TRAM1: variants seen among roughly 807,000 people sequenced by gnomAD.
TRAM1 encodes translocating chain-associated membrane protein 1.
TRAM1 carries 17 observed loss-of-function variants against 48.7 expected under a neutral mutation model. The observed-to-expected ratio is 0.35, with a 90% CI of 0.24 to 0.52. The LOEUF (loss-of-function observed/expected upper bound fraction) is 0.52. Ranked by LOEUF, TRAM1 falls within the 20% of genes least tolerant of loss-of-function variation. The pLI is 0.94. For synonymous variants in TRAM1, 182 were observed against 154.0 expected (o/e 1.18, Z -1.34); for missense variants, 351 against 441.5 (o/e 0.79, Z 1.84).
intron 8 of TRAM1, among the ~76,000 whole-genome samples, chr8:70,585,154 A>G (rs1325169904): frequency 2.0e-5 from 3 of 152,226 alleles, no homozygotes; most frequent in Non-Finnish European, 4.4e-5. Flanking sequence ...ATCTTTGACA[A>G]ACCTGACAAA....
Position 70,608,292 on chromosome 8 carries a change from C to T in TRAM1, c.-93G>A. On this transcript the variant is annotated 5_prime_UTR_variant, in exon 1 of 11. Transcript: ENST00000262213. Reference sequence around the variant, plus strand: ...TCGCCGCCGCCTCCCGCTGGCTGCTCCTCACGGCCCCGCTGCAGCCGCTCG... The same window carrying T: ...TCGCCGCCGCCTCCCGCTGGCTGCTTCTCACGGCCCCGCTGCAGCCGCTCG... The T allele has an allele frequency of 3.4e-6, 5 of 1,455,928 alleles. No homozygotes were observed. The highest frequency in any genetic ancestry group is 3.6e-6 in the Non-Finnish European group (4 of 1,104,600). The allele number at this position is 1,455,928 out of a possible 1,614,324, so 90.2% of individuals were successfully genotyped here. A position where few individuals can be genotyped will look rare whatever the true frequency, so the allele number is the denominator to read the frequency against.
chr8:70,605,186 AAAG>A (rs1817693662), intron 1 of TRAM1, among the ~76,000 whole-genome samples: 1 of 152,202 alleles, frequency 6.6e-6, no homozygotes, highest in African/African-American at 2.4e-5. Context: ...GTGAGTTTTT[AAAG>A]AATAATAATA....
At chr8:70,577,939 G>A (rs1816994014) in intron 10 of TRAM1, among the ~76,000 whole-genome samples, 1 of 152,240 alleles carries the variant, frequency 6.6e-6, no homozygotes, top group East Asian at 1.9e-4. Flanking sequence ...GGTGCCTAGA[G>A]CTGCCTGCCC....
intron 5 of TRAM1, among the ~76,000 whole-genome samples, chr8:70,595,354 A>G (rs1817465026): frequency 6.6e-6 from 1 of 152,148 alleles, no homozygotes; most frequent in African/African-American, 2.4e-5. Flanking sequence ...TAATATTTAC[A>G]AAGTTCGTTG....
At chr8:70,602,179 C>G (rs986067681) in intron 1 of TRAM1, among the ~76,000 whole-genome samples, 1 of 152,134 alleles carries the variant, frequency 6.6e-6, no homozygotes, top group South Asian at 2.1e-4. Context: ...GGAAAGAGAA[C>G]GATAGACTGG....
intron 6 of TRAM1, among the ~76,000 whole-genome samples, chr8:70,593,258 A>G (rs1024240805): frequency 7.2e-5 from 11 of 152,174 alleles, no homozygotes; most frequent in Admixed American, 2.0e-4. Context: ...GACACGAAAC[A>G]GTAGGAAATC....
chr8:70,583,598 A>T, intron 9 of TRAM1, 52 bp downstream of exon 9: 1 of 1,571,062 alleles, frequency 6.4e-7, no homozygotes, highest in South Asian at 1.2e-5. Context: ...AGAAACTGAT[A>T]ATATATATTA....
Position 70,574,999 on chromosome 8 carries a change from C to T in TRAM1, c.1058G>A (p.Gly353Asp). 1.2e-6 allele frequency: 2 copies of T among 1,604,714 alleles called. No homozygotes were observed. Among genetic ancestry groups the T allele is most frequent in the Non-Finnish European group, 1.7e-6 (2 of 1,176,502 alleles). ...GRSSKKGTENGVNGTLTSNVA... is the reference protein window; with the variant it reads ...GRSSKKGTENDVNGTLTSNVA... ...ATTTGAAGTTAATGTTCCATTCACA[C>T]CATTTTCTGCAAAAAGAAAAGAATC... Residue 353 changes from glycine (G) to aspartate (D), a missense_variant, in exon 11 of 11, where the codon GGT becomes GAT. Physicochemically the swap from Gly to Asp is moderately conservative, Grantham distance 94 (BLOSUM62 -1). Transcript: ENST00000262213.
intron 10 of TRAM1, among the ~76,000 whole-genome samples, chr8:70,580,028 TA>T (rs1297918116): frequency 1.3e-5 from 2 of 152,082 alleles, no homozygotes; most frequent in African/African-American, 4.8e-5. Context: ...TACATTAGCT[TA>T]AAAAAGAAAA....
At position 70,591,249 on chromosome 8, in the gene TRAM1, G is replaced by A. The variant is rs1297486081; in HGVS notation, c.570+3257C>T. 7.9e-5 allele frequency among the ~76,000 whole-genome samples: 12 copies of A among 152,280 alleles called. No homozygotes were observed. In the South Asian group the frequency reaches 2.1e-3, roughly 26 times the overall value. On this transcript the variant is annotated intron_variant, in intron 6 of 10. Transcript: ENST00000262213. ...AGCCTCCCCAGTAGCCAGGACTACA[G>A]GTGTGTGCCACCATGCCTGGCTTAC...
chr8:70,577,469 A>T (rs1816982398), intron 10 of TRAM1, among the ~76,000 whole-genome samples: 1 of 152,108 alleles, frequency 6.6e-6, no homozygotes, highest in South Asian at 2.1e-4. Context: ...AAAATCCTGG[A>T]CTCAGCCAGA....
intron 6 of TRAM1, among the ~76,000 whole-genome samples, chr8:70,588,879 T>C (rs976996942): frequency 5.9e-5 from 9 of 152,244 alleles, no homozygotes; most frequent in African/African-American, 2.2e-4. Flanking sequence ...ACTATTCATG[T>C]TCTACAGCTA....
At chr8:70,577,966 G>A (rs1227754467) in intron 10 of TRAM1, among the ~76,000 whole-genome samples, 1 of 152,248 alleles carries the variant, frequency 6.6e-6, no homozygotes, top group Admixed American at 6.5e-5. Context: ...AGCAGCCTGT[G>A]TGTCTGGCTG....
At chr8:70,597,582 A>G (rs1160300638) in intron 4 of TRAM1, among the ~76,000 whole-genome samples, 2 of 145,386 alleles carry the variant, frequency 1.4e-5, no homozygotes, top group East Asian at 2.1e-4. Context: ...AGGCAGGAGA[A>G]TCGCTTGAAC....
At chr8:70,600,250 A>G (rs1051474215) in intron 1 of TRAM1, among the ~76,000 whole-genome samples, 168 bp from the exon 2 acceptor site, 1 of 152,210 alleles carries the variant, frequency 6.6e-6, no homozygotes, top group African/African-American at 2.4e-5. Context: ...CCAAGGAGCT[A>G]ATGTAATTCA....
chr8:70,575,234 C>A (rs1457441510), intron 10 of TRAM1, among the ~76,000 whole-genome samples: 1 of 151,986 alleles, frequency 6.6e-6, no homozygotes, highest in Admixed American at 6.6e-5. Context: ...AAAGTGACAG[C>A]ACAGAAAACT....
intron 10 of TRAM1, among the ~76,000 whole-genome samples, chr8:70,577,080 C>G (rs972010006): frequency 1.3e-5 from 2 of 152,212 alleles, no homozygotes; most frequent in African/African-American, 4.8e-5. Context: ...TGTGCTATAG[C>G]CCTTTTAGTC....
At chr8:70,589,655 T>C (rs111534747) in intron 6 of TRAM1, among the ~76,000 whole-genome samples, 2 of 152,234 alleles carry the variant, frequency 1.3e-5, no homozygotes, top group South Asian at 2.1e-4. Context: ...CTTGGCAACA[T>C]GGCGAAACCC....
At chr8:70,607,469 C>T (rs1817765019) in intron 1 of TRAM1, 5 of 985,392 alleles carry the variant, frequency 5.1e-6, no homozygotes, top group Non-Finnish European at 6.0e-6. Flanking sequence ...CGCCGGTGCC[C>T]GGCGGCCACC....
Sources: allele counts gnomAD v4.1 joint callset (sites outside exome capture counted in the v4.1 genomes callset), GRCh38; gene constraint gnomAD v4.1.1; transcripts MANE v1.5; gene names NCBI Gene and HGNC (gene_info 2026-07-23, HGNC 2026-07-21).